The following UGT1A9 variants were observed in gnomAD, a reference collection of about 807,000 sequenced individuals.
The protein encoded by UGT1A9 is UDP-glucuronosyltransferase 1A9.
Under a neutral mutation model 45.0 loss-of-function variants are expected in UGT1A9, and 35 were observed. The ratio of observed to expected loss-of-function variants is 0.78; its 90% CI spans 0.59 to 1.03. UGT1A9 has a LOEUF of 1.03. Among genes scored for constraint, UGT1A9 ranks in the 50% least tolerant of loss-of-function variants. UGT1A9 has a pLI of 0.00. For synonymous variants in UGT1A9, 278 were observed against 250.6 expected (o/e 1.11, Z -1.03); for missense variants, 687 against 666.6 (o/e 1.03, Z -0.34).
intron 1 of UGT1A9, among the ~76,000 whole-genome samples, chr2:233,684,767 A>T (rs1046318119): frequency 2.6e-5 from 4 of 152,184 alleles, no homozygotes; most frequent in African/African-American, 9.6e-5. Flanking sequence ...TCAGATCATA[A>T]AGAGTGCCCT....
chr2:233,729,266 T>A (rs6431625), intron 1 of UGT1A9: 2 of 1,613,820 alleles, frequency 1.2e-6, no homozygotes, highest in East Asian at 4.5e-5. Context: ...ATGCGGGAGG[T>A]CTTGCGGGAG....
At chr2:233,707,472 T>C in intron 1 of UGT1A9, among the ~76,000 whole-genome samples, 1 of 152,136 alleles carries the variant, frequency 6.6e-6, no homozygotes, top group Non-Finnish European at 1.5e-5. Flanking sequence ...CTGTAAATAA[T>C]ACAGATGATT....
chr2:233,703,735 G>A (rs1441976510), intron 1 of UGT1A9, among the ~76,000 whole-genome samples: 1 of 150,928 alleles, frequency 6.6e-6, no homozygotes, highest in Admixed American at 6.6e-5. Flanking sequence ...ACTTTTTTTT[G>A]TTTTTAAATC....
At chr2:233,719,629 T>C in intron 1 of UGT1A9, 1 of 1,614,102 alleles carries the variant, frequency 6.2e-7, no homozygotes, top group Admixed American at 1.7e-5. Flanking sequence ...AGGCCGATCA[T>C]GCCCAACATG....
chr2:233,744,229 G>C (rs1245532493), intron 1 of UGT1A9, among the ~76,000 whole-genome samples: 2 of 151,826 alleles, frequency 1.3e-5, no homozygotes, highest in Non-Finnish European at 2.9e-5. Flanking sequence ...AAAAGAGAGG[G>C]CCTTGACTTT....
intron 1 of UGT1A9, among the ~76,000 whole-genome samples, chr2:233,690,346 A>G (rs1476855946): frequency 6.6e-6 from 1 of 152,206 alleles, no homozygotes; most frequent in African/African-American, 2.4e-5. Flanking sequence ...TGAAAGAGTT[A>G]GCACCTTAGA....
intron 1 of UGT1A9, among the ~76,000 whole-genome samples, chr2:233,738,801 T>C (rs1338084324): frequency 2.0e-5 from 3 of 152,194 alleles, no homozygotes; most frequent in Non-Finnish European, 4.4e-5. Context: ...GCAGAAATAC[T>C]AGCTAAAGAA....
chr2:233,752,937 C>A (rs1656534777), intron 1 of UGT1A9, among the ~76,000 whole-genome samples: 1 of 152,230 alleles, frequency 6.6e-6, no homozygotes, highest in African/African-American at 2.4e-5. Flanking sequence ...CCACTCTTTG[C>A]TGACCACTGA....
intron 1 of UGT1A9, chr2:233,713,275 G>A (rs1268736008): frequency 6.2e-7 from 1 of 1,614,224 alleles, no homozygotes; most frequent in South Asian, 1.1e-5. Flanking sequence ...CTTTTGCTGG[G>A]TCACACTCAA....
At chr2:233,756,685 A>C (rs948825401) in intron 1 of UGT1A9, among the ~76,000 whole-genome samples, 1 of 152,128 alleles carries the variant, frequency 6.6e-6, no homozygotes, top group Non-Finnish European at 1.5e-5. Flanking sequence ...ACTGCTATAT[A>C]ATGACGATGA....
chr2:233,697,528 G>A (rs1448726648), intron 1 of UGT1A9, among the ~76,000 whole-genome samples: 1 of 142,188 alleles, frequency 7.0e-6, no homozygotes, highest in African/African-American at 2.6e-5. Context: ...AAAACTTTTT[G>A]TTTCATTGGT....
Position 233,769,262 on chromosome 2 carries a change from G to A in UGT1A9, c.1295+823G>A, listed in dbSNP as rs1197405588. ...TTTGCTCAAATGTGGCCCTGAAAAC[G>A]ATTCAAAGGGCAAATGATTTCTGGA... is the stretch of plus-strand genomic sequence containing the variant. On this transcript the variant is annotated intron_variant, in intron 4 of 4. Coordinates refer to ENST00000354728, the MANE Select transcript of UGT1A9 (RefSeq NM_021027.3). The surrounding 1 kb of genome is among the most constrained non-coding windows in gnomAD (Gnocchi z 4.4). Among the ~76,000 whole-genome samples the A allele has an allele frequency of 1.3e-5, 2 of 152,184 alleles. No homozygotes were observed. The highest frequency in any genetic ancestry group is 2.9e-5 in the Non-Finnish European group (2 of 68,036).
chr2:233,693,131 A>G, intron 1 of UGT1A9: 1 of 1,614,212 alleles, frequency 6.2e-7, no homozygotes, highest in Non-Finnish European at 8.5e-7. Flanking sequence ...GCTTAGTATG[A>G]AGGATATAGT....
At chr2:233,751,815 C>G (rs186854463) in intron 1 of UGT1A9, among the ~76,000 whole-genome samples, 1 of 152,308 alleles carries the variant, frequency 6.6e-6, no homozygotes, top group East Asian at 1.9e-4. Context: ...TTTCCTGAGG[C>G]CTCCCCAGCC....
In UGT1A9 at chr2:233,772,799, AT is replaced by A; in HGVS notation, c.*245del. 3 of 1,169,378 alleles carry A rather than the reference AT, an allele frequency of 2.6e-6. No homozygotes were observed. The highest frequency in any genetic ancestry group is 3.4e-6 in the Non-Finnish European group (3 of 874,384). 72.4% of individuals were successfully genotyped at this position (1,169,378 alleles called of 1,614,324 possible). ...GTCTTTGATCAGGATGACATGTGCC[AT>A]TTTTCAGAGGACGTGCAGACAGGCT... is the stretch of plus-strand genomic sequence containing the variant. On this transcript the variant is annotated 3_prime_UTR_variant, in exon 5 of 5. Transcript: ENST00000354728.
intron 1 of UGT1A9, chr2:233,760,760 C>G (rs1218181857): frequency 6.2e-7 from 1 of 1,614,064 alleles, no homozygotes; most frequent in African/African-American, 1.3e-5. Context: ...CCTTGCAGCC[C>G]CATCGTGGCC....
intron 1 of UGT1A9, among the ~76,000 whole-genome samples, chr2:233,710,808 C>A (rs1646054094): frequency 6.6e-6 from 1 of 152,170 alleles, no homozygotes; most frequent in Non-Finnish European, 1.5e-5. Flanking sequence ...CCCTCGTGCC[C>A]TATCTAAGGA....
chr2:233,755,452 CTGGCCCTGCTCTCTGTGAGGCTCTGTG>C (rs1695924346), intron 1 of UGT1A9: 1 of 306,254 alleles, frequency 3.3e-6, no homozygotes, highest in Admixed American at 4.3e-5. Flanking sequence ...GCTCCTGGGA[CTGGCCCTGCTCTCTGTGAGGCTCTGTG>C]AGGCCCTGTG....
intron 1 of UGT1A9, among the ~76,000 whole-genome samples, chr2:233,677,626 G>T (rs911105605): frequency 1.3e-5 from 2 of 151,952 alleles, no homozygotes; most frequent in Admixed American, 6.6e-5. Context: ...ACCACAATAA[G>T]ATATCATCTC....
Sources: gnomAD v4.1 joint callset for allele counts (sites outside exome capture counted in the v4.1 genomes callset) on GRCh38, gnomAD v4.1.1 for gene constraint, Gnocchi (gnomAD v3.1) non-coding constraint, MANE v1.5 for transcripts, NCBI Gene and HGNC (gene_info 2026-07-23, HGNC 2026-07-21) for gene names.